Variants in SMAD2 observed in about 807,000 individuals in gnomAD.
SMAD2 encodes the protein MAD homolog 2.
A neutral mutation model predicts 64.4 loss-of-function variants in SMAD2; 8 were observed. The observed-to-expected ratio is 0.12, with a 90% CI of 0.07 to 0.22. SMAD2 has a LOEUF of 0.22. Among genes scored for constraint, SMAD2 ranks in the 10% least tolerant of loss-of-function variants. The pLI is 1.00. For synonymous variants in SMAD2, 203 were observed against 195.8 expected (o/e 1.04, Z -0.31); for missense variants, 289 against 561.2 (o/e 0.51, Z 4.90).
intron 7 of SMAD2, 119 bp from the exon 8 acceptor site, chr18:47,848,806 CT>C: frequency 1.4e-6 from 1 of 722,650 alleles, no homozygotes; most frequent in Non-Finnish European, 2.3e-6. Context: ...CTGGCAAAAG[CT>C]CAGGAAGTAG....
chr18:47,875,378 C>T (rs145171205), intron 2 of SMAD2, among the ~76,000 whole-genome samples: 3 of 152,174 alleles, frequency 2.0e-5, no homozygotes, highest in African/African-American at 4.8e-5. Context: ...TATTTGGTGA[C>T]CCAACTGGTA....
intron 10 of SMAD2, among the ~76,000 whole-genome samples, chr18:47,843,773 G>A (rs1260528236): frequency 6.6e-6 from 1 of 152,148 alleles, no homozygotes; most frequent in Admixed American, 6.5e-5. Flanking sequence ...TACTGCTTCT[G>A]TAATTACAGA....
chr18:47,873,514 C>G (rs1232865373), intron 2 of SMAD2, among the ~76,000 whole-genome samples: 1 of 151,990 alleles, frequency 6.6e-6, no homozygotes, highest in Non-Finnish European at 1.5e-5. Context: ...ATAGTAAAGA[C>G]CTGTCCTACC....
chr18:47,892,410 G>A (rs1266504073), intron 2 of SMAD2, among the ~76,000 whole-genome samples: 4 of 152,114 alleles, frequency 2.6e-5, no homozygotes, highest in Non-Finnish European at 5.9e-5. Flanking sequence ...ATGTTGGCCA[G>A]GCTAGTCTGA....
At position 47,898,586 on chromosome 18, in the gene SMAD2, A is replaced by G. The variant is rs1056249089; in HGVS notation, c.-53-1777T>C. On this transcript the variant is annotated intron_variant, in intron 1 of 10. Transcript: ENST00000262160. ...AGATTATATGCTAAGATTCATTTCC[A>G]ATGTACACAAACTGCATTCCTGCTC... is the stretch of plus-strand genomic sequence containing the variant. 2.0e-5 allele frequency among the ~76,000 whole-genome samples: 3 copies of G among 152,244 alleles called. 1 individual carries two copies. The highest frequency in any genetic ancestry group is 2.0e-4 in the Admixed American group (3 of 15,280).
chr18:47,877,337 T>A (rs1467587495), intron 2 of SMAD2, among the ~76,000 whole-genome samples: 1 of 152,090 alleles, frequency 6.6e-6, no homozygotes, highest in Non-Finnish European at 1.5e-5. Context: ...AATACAGACT[T>A]CTAGGGGAGT....
Position 47,906,928 on chromosome 18 carries a change from TC to T in SMAD2, c.-53-10120del, listed in dbSNP as rs751392983. ...TTACATTTAAAGCCCACCCAGATAA[TC>T]CAGGATCATCTCTCCATCTCAAGAT... On this transcript the variant is annotated intron_variant, in intron 1 of 10. Coordinates refer to ENST00000262160, the MANE Select transcript of SMAD2 (RefSeq NM_005901.6). Among the ~76,000 whole-genome samples the T allele has an allele frequency of 1.1e-3, 160 of 152,224 alleles. 1 individual carries two copies. The highest frequency in any genetic ancestry group is 3.4e-3 in the Middle Eastern group (1 of 294).
rs2033683005 is a variant in SMAD2 at position 47,901,511 on chromosome 18, CTTTCT to C, written c.-53-4707_-53-4703del. Among the ~76,000 whole-genome samples, 4 of 152,044 alleles carry C rather than the reference CTTTCT, an allele frequency of 2.6e-5. No individual in the cohort carries two copies. The South Asian group carries it at 8.3e-4, about 31-fold the overall frequency. ...TAGTTGCCTGCTTGTTTTATATTTT[CTTTCT>C]TGTCTTCTTCTGAATTTATCACATA... On this transcript the variant is annotated intron_variant, in intron 1 of 10. Transcript: ENST00000262160.
intron 7 of SMAD2, among the ~76,000 whole-genome samples, chr18:47,850,204 ATATT>A (rs1326920940): frequency 2.2e-5 from 2 of 91,982 alleles, no homozygotes; most frequent in African/African-American, 4.4e-5. Flanking sequence ...TAGTATATAT[ATATT>A]ATTATATATA....
intron 2 of SMAD2, among the ~76,000 whole-genome samples, chr18:47,894,213 G>A (rs2033333203): frequency 6.6e-6 from 1 of 152,152 alleles, no homozygotes; most frequent in Non-Finnish European, 1.5e-5. Context: ...TTGAAGTTGT[G>A]CAAAAACATG....
At chr18:47,845,637 G>C (rs1340346967) in intron 9 of SMAD2, 26 bp downstream of exon 9, 2 of 1,612,362 alleles carry the variant, frequency 1.2e-6, no homozygotes, top group East Asian at 4.5e-5. Context: ...GACATGATAG[G>C]TTTATGTACA....
chr18:47,861,995 G>A (rs186082741), intron 6 of SMAD2, among the ~76,000 whole-genome samples: 1 of 152,210 alleles, frequency 6.6e-6, no homozygotes, highest in East Asian at 1.9e-4. Context: ...AACTCAGATA[G>A]TCTAGCTCAG....
intron 2 of SMAD2, among the ~76,000 whole-genome samples, chr18:47,886,382 G>C (rs1225440559): frequency 6.6e-6 from 1 of 152,138 alleles, no homozygotes; most frequent in Non-Finnish European, 1.5e-5. Context: ...ACCTGTGGAT[G>C]CAAATTATAT....
At chr18:47,858,885 A>C (rs2144343810) in intron 6 of SMAD2, among the ~76,000 whole-genome samples, 1 of 152,254 alleles carries the variant, frequency 6.6e-6, no homozygotes, top group African/African-American at 2.4e-5. Flanking sequence ...TAGACAAACA[A>C]TTGCAAAATG....
rs1913157652 is a variant in SMAD2 at position 47,833,864 on chromosome 18, C to T, written c.*7963G>A. On this transcript the variant is annotated 3_prime_UTR_variant, in exon 11 of 11. Transcript: ENST00000262160. Reference sequence around the variant, plus strand: ...AAAGAAATCTGCAACAATTGGTTTCCTTTTACTATGAAAAATGTAAATTTC... The same window carrying T: ...AAAGAAATCTGCAACAATTGGTTTCTTTTTACTATGAAAAATGTAAATTTC... 4.4e-6 allele frequency: 1 copy of T among 229,362 alleles called. No individual in the cohort carries two copies. The highest frequency in any genetic ancestry group is 2.2e-5 in the African/African-American group (1 of 45,074). The allele number at this position is 229,362 out of a possible 1,614,324, so 14.2% of individuals were successfully genotyped here. A position where few individuals can be genotyped will look rare whatever the true frequency, so the allele number is the denominator to read the frequency against.
Position 47,863,363 on chromosome 18 carries a change from A to G in SMAD2, c.730+1696T>C, listed in dbSNP as rs552734699. 4.6e-4 allele frequency among the ~76,000 whole-genome samples: 70 copies of G among 152,358 alleles called. 1 individual carries two copies. The highest frequency in any genetic ancestry group is 2.7e-3 in the South Asian group (13 of 4,830). Reference sequence around the variant, plus strand: ...GCCAGTAACACTGCTCCACTGAAACAGAAATATTAGGTTGGGTTCAAAGTT... The same window carrying G: ...GCCAGTAACACTGCTCCACTGAAACGGAAATATTAGGTTGGGTTCAAAGTT... On this transcript the variant is annotated intron_variant, in intron 6 of 10. Transcript: ENST00000262160.
intron 1 of SMAD2, among the ~76,000 whole-genome samples, chr18:47,923,378 G>C (rs1395485748): frequency 6.6e-6 from 1 of 152,194 alleles, no homozygotes; most frequent in Admixed American, 6.5e-5. Flanking sequence ...GCAAAGTCTA[G>C]AGTAGTGCCA....
chr18:47,845,506 G>T (rs767696839), intron 9 of SMAD2, 22 bp from the exon 10 acceptor site: 96 of 1,609,488 alleles, frequency 6.0e-5, no homozygotes, highest in Non-Finnish European at 7.3e-5. Context: ...AAAGGTAAAA[G>T]AAATTGTCAA....
intron 2 of SMAD2, chr18:47,895,200 C>T (rs973497489): frequency 1.5e-5 from 2 of 137,404 alleles, no homozygotes; most frequent in Non-Finnish European, 3.2e-5. Context: ...CCTGTATAAG[C>T]TTTGGGCAAG....
Sources: gnomAD v4.1 joint callset for allele counts (sites outside exome capture counted in the v4.1 genomes callset) on GRCh38, gnomAD v4.1.1 for gene constraint, MANE v1.5 for transcripts, NCBI Gene and HGNC (gene_info 2026-07-23, HGNC 2026-07-21) for gene names.